The following DEPDC1B variants were observed in gnomAD, a reference collection of about 807,000 sequenced individuals.
DEPDC1B encodes the protein DEP domain-containing protein 1B.
Under a neutral mutation model 66.5 loss-of-function variants are expected in DEPDC1B, and 51 were observed. The observed-to-expected ratio is 0.77, with a 90% CI of 0.61 to 0.97. DEPDC1B has a LOEUF of 0.97. Ranked by LOEUF, DEPDC1B falls within the 50% of genes least tolerant of loss-of-function variation. The pLI, the probability that DEPDC1B is intolerant of heterozygous loss-of-function variation, is 0.00. For missense variants in DEPDC1B, 552 were observed against 637.1 expected (o/e 0.87, Z 1.44); for synonymous variants, 226 against 223.6 (o/e 1.01, Z -0.10).
In DEPDC1B at chr5:60,603,428, G is replaced by A. The variant is rs757977144; in HGVS notation, c.1205C>T (p.Ser402Phe). 6.2e-7 allele frequency: 1 copy of A among 1,610,500 alleles called. No individual in the cohort carries two copies. Among genetic ancestry groups the A allele is most frequent in the African/African-American group, 1.3e-5 (1 of 74,666 alleles). The change falls in exon 9 of 11, where the codon TCT becomes TTT. Residue 402 changes from serine to phenylalanine, a missense_variant. By Grantham distance (155) the Ser-to-Phe change is radical. Coordinates refer to ENST00000265036, the MANE Select transcript of DEPDC1B (RefSeq NM_018369.3). The part of the protein sequence containing the change: ...ILKVPLALQT[S>F]IEERVAHLRR... ...TAGATGAGCCACACGCTCCTCTATA[G>A]AGGTCTGCAAGGCCAAAGGGACTTT...
intron 2 of DEPDC1B, among the ~76,000 whole-genome samples, chr5:60,682,503 C>T (rs538818211): frequency 6.6e-6 from 1 of 152,000 alleles, no homozygotes. Flanking sequence ...CACCCTAAAA[C>T]TTAAAGTATA....
intron 2 of DEPDC1B, among the ~76,000 whole-genome samples, chr5:60,683,266 C>G (rs1322932464): frequency 6.6e-6 from 1 of 151,938 alleles, no homozygotes; most frequent in Non-Finnish European, 1.5e-5. Context: ...CCTGTCTCTA[C>G]AAAATTTTTT....
intron 2 of DEPDC1B, among the ~76,000 whole-genome samples, chr5:60,685,161 C>A (rs1754384424): frequency 6.6e-6 from 1 of 152,194 alleles, no homozygotes; most frequent in Non-Finnish European, 1.5e-5. Context: ...AGGTAGGACA[C>A]CAAATGCTCT....
chr5:60,700,005 G>A (rs1418399573), intron 1 of DEPDC1B, 41 bp downstream of exon 1: 5 of 1,546,138 alleles, frequency 3.2e-6, no homozygotes, highest in East Asian at 2.4e-5. Context: ...GGGGGCTCGC[G>A]GCACCGGGTG....
chr5:60,689,147 G>A, intron 1 of DEPDC1B: 1 of 429,292 alleles, frequency 2.3e-6, no homozygotes, highest in Admixed American at 2.6e-5. Context: ...ACATGGTTGA[G>A]AACTAAAAAA....
intron 7 of DEPDC1B, among the ~76,000 whole-genome samples, chr5:60,632,560 C>A (rs564819645): frequency 6.6e-6 from 1 of 152,238 alleles, no homozygotes; most frequent in African/African-American, 2.4e-5. Context: ...CATCTGCCCC[C>A]ACAAGACCAA....
intron 9 of DEPDC1B, among the ~76,000 whole-genome samples, chr5:60,602,751 A>G (rs1185438207): frequency 1.3e-5 from 2 of 152,236 alleles, no homozygotes; most frequent in Non-Finnish European, 2.9e-5. Context: ...TCACAACTTT[A>G]TAAAGAAAGA....
rs1372604374 is a variant in DEPDC1B at position 60,654,091 on chromosome 5, CT to C, written c.315-6559del. 1.3e-5 allele frequency among the ~76,000 whole-genome samples: 2 copies of C among 149,008 alleles called. 1 individual carries two copies. The highest frequency in any genetic ancestry group is 2.9e-5 in the Non-Finnish European group (2 of 67,892). ...TAGCCTTGCTTTGGCTATGTGGGCT[CT>C]TTTTTGGTTACACATAAATTTTAGG... On this transcript the variant is annotated intron_variant, in intron 2 of 10. Transcript: ENST00000265036.
chr5:60,613,777 T>C (rs1032751329), intron 7 of DEPDC1B, among the ~76,000 whole-genome samples: 21 of 147,566 alleles, frequency 1.4e-4, no homozygotes, highest in Admixed American at 4.2e-4. Context: ...AAAAGGTTGT[T>C]ACATATGTAT....
intron 1 of DEPDC1B, among the ~76,000 whole-genome samples, chr5:60,697,706 C>A (rs1239323837): frequency 6.6e-6 from 1 of 151,988 alleles, no homozygotes. Flanking sequence ...TATTATGTTC[C>A]TCAAACACTA....
intron 9 of DEPDC1B, among the ~76,000 whole-genome samples, chr5:60,601,568 C>CA (rs539256425): frequency 1.1e-4 from 17 of 151,782 alleles, no homozygotes; most frequent in African/African-American, 1.9e-4. Context: ...ACAGATTAGC[C>CA]AAAAAAAATC....
chr5:60,603,027 CT>C (rs943109453), intron 9 of DEPDC1B, among the ~76,000 whole-genome samples: 1 of 152,142 alleles, frequency 6.6e-6, no homozygotes, highest in Non-Finnish European at 1.5e-5. Context: ...TGTGCCTTAG[CT>C]TTTTCATGCA....
intron 1 of DEPDC1B, among the ~76,000 whole-genome samples, chr5:60,687,502 A>G (rs1754448112): frequency 6.6e-6 from 1 of 151,708 alleles, no homozygotes; most frequent in Non-Finnish European, 1.5e-5. Flanking sequence ...TATTATATAT[A>G]TTTTACCATA....
chr5:60,679,841 G>C (rs1344267985), intron 2 of DEPDC1B, among the ~76,000 whole-genome samples: 1 of 152,120 alleles, frequency 6.6e-6, no homozygotes, highest in Non-Finnish European at 1.5e-5. Flanking sequence ...ATTTTTATTT[G>C]TATAGAACCC....
chr5:60,687,070 C>A lies in DEPDC1B; in HGVS notation c.206G>T (p.Arg69Leu). The change falls in exon 2 of 11, where the codon CGC (arginine) becomes CTC (leucine). Residue 69 changes from arginine to leucine, a missense_variant. By Grantham distance (102) the Arg-to-Leu change is moderately radical. Coordinates refer to ENST00000265036, the MANE Select transcript of DEPDC1B (RefSeq NM_018369.3). Reference protein sequence around the residue: ...CSQNFGPEVTRKQTVQLLKKF... With the variant: ...CSQNFGPEVTLKQTVQLLKKF... ...TTTTAGCAGCTGGACCGTTTGTTTG[C>A]GGGTCACTTCAGGGCCGAAGTTTTG... 1.2e-6 allele frequency: 2 copies of A among 1,614,210 alleles called. No individual in the cohort carries two copies. Among genetic ancestry groups the A allele is most frequent in the Non-Finnish European group, 1.7e-6 (2 of 1,180,038 alleles).
intron 2 of DEPDC1B, among the ~76,000 whole-genome samples, chr5:60,663,565 C>T (rs1753769782): frequency 6.6e-6 from 1 of 152,200 alleles, no homozygotes; most frequent in Admixed American, 6.5e-5. Context: ...TTCTGACTCT[C>T]AATTCTTATT....
intron 5 of DEPDC1B, among the ~76,000 whole-genome samples, chr5:60,644,347 C>T (rs937514120): frequency 3.7e-4 from 56 of 152,242 alleles, no homozygotes; most frequent in African/African-American, 1.3e-3. Context: ...AAGACTATTC[C>T]AGAAAATCTA....
rs180860764 is a variant in DEPDC1B at position 60,615,853 on chromosome 5, G to A, written c.899-9997C>T. On this transcript the variant is annotated intron_variant, in intron 7 of 10. Transcript: ENST00000265036. Reference sequence around the variant, plus strand: ...ATGGACAGACTGCCTCCTCAAGTGGGTCCCTGACTCCCGAGTAGCTTAACT... The same window carrying A: ...ATGGACAGACTGCCTCCTCAAGTGGATCCCTGACTCCCGAGTAGCTTAACT... Among the ~76,000 whole-genome samples the A allele has an allele frequency of 6.8e-3, 1,031 of 152,298 alleles. 14 individuals are homozygous for A. The highest frequency in any genetic ancestry group is 0.024 in the African/African-American group (985 of 41,564).
At chr5:60,698,335 T>C (rs1754701801) in intron 1 of DEPDC1B, among the ~76,000 whole-genome samples, 1 of 152,264 alleles carries the variant, frequency 6.6e-6, no homozygotes, top group Admixed American at 6.5e-5. Flanking sequence ...TGGATTTAGC[T>C]GTTTAACTTG....
Sources: gnomAD v4.1 joint callset for allele counts (sites outside exome capture counted in the v4.1 genomes callset) on GRCh38, gnomAD v4.1.1 for gene constraint, MANE v1.5 for transcripts, NCBI Gene and HGNC (gene_info 2026-07-23, HGNC 2026-07-21) for gene names.